Variants in MMP26 observed in about 807,000 individuals in gnomAD.
MMP26 encodes matrix metalloproteinase-26.
A neutral mutation model predicts 31.0 loss-of-function variants in MMP26; 33 were observed. The observed-to-expected ratio is 1.06, with a 90% CI of 0.81 to 1.42. The LOEUF (loss-of-function observed/expected upper bound fraction) is 1.42. MMP26 is among the 40% of genes most tolerant of loss of function. MMP26 has a pLI of 0.00. For missense variants in MMP26, 347 were observed against 316.1 expected, an observed-to-expected ratio of 1.10 and a Z score of -0.74; for synonymous variants, 122 against 114.9, an observed-to-expected ratio of 1.06 and a Z score of -0.40.
intron 2 of MMP26, among the ~76,000 whole-genome samples, chr11:4,818,774 T>C (rs1849454239): frequency 6.6e-6 from 1 of 152,148 alleles, no homozygotes. Flanking sequence ...GTTTCCGGAA[T>C]AGAGAAGGTA....
At chr11:4,955,003 C>T in intron 2 of MMP26, 1 of 1,376,754 alleles carries the variant, frequency 7.3e-7, no homozygotes, top group South Asian at 1.2e-5. Context: ...TATTGAGAGC[C>T]TTAAGCTCCT....
At chr11:4,836,280 C>T (rs1001152563) in intron 2 of MMP26, among the ~76,000 whole-genome samples, 5 of 152,136 alleles carry the variant, frequency 3.3e-5, no homozygotes, top group Middle Eastern at 3.4e-3. Flanking sequence ...TACACCTACA[C>T]AACCTACTGA....
chr11:4,897,037 G>A (rs1393992377), intron 2 of MMP26, among the ~76,000 whole-genome samples: 1 of 151,844 alleles, frequency 6.6e-6, no homozygotes, highest in Non-Finnish European at 1.5e-5. Context: ...ATATTCATAT[G>A]CATAATGTAT....
intron 2 of MMP26, among the ~76,000 whole-genome samples, chr11:4,810,486 G>A (rs1005815271): frequency 6.6e-6 from 1 of 152,146 alleles, no homozygotes; most frequent in Admixed American, 6.5e-5. Flanking sequence ...TGAGTTCAAG[G>A]TTATTGAATA....
At chr11:4,941,070 A>G (rs1227936366) in intron 2 of MMP26, among the ~76,000 whole-genome samples, 1 of 4,644 alleles carries the variant, frequency 2.2e-4, no homozygotes, top group Non-Finnish European at 6.0e-4. Flanking sequence ...TGATTTTTTA[A>G]TATACATAGG....
At chr11:4,866,217 T>G (rs1336076596) in intron 2 of MMP26, among the ~76,000 whole-genome samples, 2 of 152,164 alleles carry the variant, frequency 1.3e-5, no homozygotes, top group African/African-American at 4.8e-5. Flanking sequence ...ATGTGAAATA[T>G]AAGTGATCTG....
intron 2 of MMP26, among the ~76,000 whole-genome samples, chr11:4,783,666 C>T (rs964728612): frequency 6.6e-6 from 1 of 152,116 alleles, no homozygotes; most frequent in African/African-American, 2.4e-5. Flanking sequence ...TGTCCCCACC[C>T]AAATCTCATC....
At chr11:4,707,460 G>A (rs573694853) in intron 1 of MMP26, among the ~76,000 whole-genome samples, 51 of 152,052 alleles carry the variant, frequency 3.4e-4, no homozygotes, top group Admixed American at 2.0e-3. Context: ...TTGCAAATTG[G>A]GTTTATTTAC....
chr11:4,896,472 T>G (rs1850705176), intron 2 of MMP26, among the ~76,000 whole-genome samples: 1 of 152,140 alleles, frequency 6.6e-6, no homozygotes. Context: ...GATCACAGCT[T>G]TTACTGACTG....
chr11:4,794,513 C>A lies in MMP26; in HGVS notation c.-145+27172C>A, dbSNP rs73401060. On this transcript the variant is annotated intron_variant, in intron 2 of 7. Transcript: ENST00000380390. ...ATTTCTTTTCTTGGTCTTTATTGGT[C>A]GTTGGGTTGGAGCTTTAGGTATTTT... Among the ~76,000 whole-genome samples the A allele has an allele frequency of 4.4e-3, 677 of 152,156 alleles. 3 individuals carry two copies. Among genetic ancestry groups the A allele is most frequent in the African/African-American group, 0.015 (608 of 41,502 alleles).
chr11:4,914,669 G>C, intron 2 of MMP26: 1 of 1,267,310 alleles, frequency 7.9e-7, no homozygotes, highest in Non-Finnish European at 1.1e-6. Flanking sequence ...ATAAAGGATA[G>C]GCAAACAAGG....
chr11:4,990,458 A>G (rs937087338), intron 4 of MMP26, 140 bp from the exon 5 acceptor site: 11 of 710,540 alleles, frequency 1.5e-5, no homozygotes, highest in Admixed American at 6.4e-5. Context: ...AATTAGTCTG[A>G]AATTAGCTCA....
intron 1 of MMP26, chr11:4,723,591 C>T: frequency 9.9e-7 from 1 of 1,010,108 alleles, no homozygotes; most frequent in Non-Finnish European, 1.6e-6. Context: ...CATCCACATC[C>T]TTCTTGATGA....
chr11:4,775,044 T>G (rs1848773526), intron 2 of MMP26, among the ~76,000 whole-genome samples: 1 of 152,228 alleles, frequency 6.6e-6, no homozygotes, highest in Non-Finnish European at 1.5e-5. Context: ...TATAGTAAAG[T>G]TTGAAGTCCT....
intron 2 of MMP26, among the ~76,000 whole-genome samples, chr11:4,941,254 A>C (rs900395933): frequency 1.3e-5 from 2 of 152,230 alleles, no homozygotes; most frequent in East Asian, 3.8e-4. Flanking sequence ...ACAAGAATGA[A>C]CAAACCATGG....
At chr11:4,824,679 TTTCTA>T (rs1849557707) in intron 2 of MMP26, among the ~76,000 whole-genome samples, 1 of 152,136 alleles carries the variant, frequency 6.6e-6, no homozygotes, top group Non-Finnish European at 1.5e-5. Flanking sequence ...TTCCCTGATA[TTTCTA>T]TAGTCCACAT....
At chr11:4,743,920 C>T (rs1410143464) in intron 1 of MMP26, among the ~76,000 whole-genome samples, 1 of 152,114 alleles carries the variant, frequency 6.6e-6, no homozygotes, top group Non-Finnish European at 1.5e-5. Flanking sequence ...ATACTCCCGC[C>T]TCAACCTCCT....
chr11:4,912,215 T>C (rs889161111), intron 2 of MMP26, among the ~76,000 whole-genome samples: 3 of 152,194 alleles, frequency 2.0e-5, no homozygotes, highest in African/African-American at 7.2e-5. Context: ...GACAGCCTTG[T>C]GGGGTAGACA....
intron 2 of MMP26, among the ~76,000 whole-genome samples, chr11:4,790,174 T>C (rs1365592026): frequency 2.0e-5 from 3 of 152,024 alleles, no homozygotes; most frequent in Non-Finnish European, 2.9e-5. Flanking sequence ...ACCCCGTCTC[T>C]ACTAAAAATA....
Sources: allele counts gnomAD v4.1 joint callset (sites outside exome capture counted in the v4.1 genomes callset), GRCh38; gene constraint gnomAD v4.1.1; transcripts MANE v1.5; gene names NCBI Gene and HGNC (gene_info 2026-07-23, HGNC 2026-07-21).